The following RASA1 variants were observed in gnomAD, a reference collection of about 807,000 sequenced individuals.
RASA1 encodes the protein RAS p21 protein activator 1, also known as ras GTPase-activating protein 1.
RASA1 carries 25 observed loss-of-function variants against 132.2 expected under a neutral mutation model. The ratio of observed to expected loss-of-function variants is 0.19; its 90% CI spans 0.14 to 0.26. The LOEUF is 0.26. Among genes scored for constraint, RASA1 ranks in the 10% least tolerant of loss-of-function variants. The probability of loss-of-function intolerance (pLI) is 1.00; values close to 1 mark genes in which losing one functional copy is unlikely to be tolerated. For synonymous variants in RASA1, 477 were observed against 449.9 expected (o/e 1.06, Z -0.76); for missense variants, 964 against 1,299.2 (o/e 0.74, Z 3.97).
intron 1 of RASA1, among the ~76,000 whole-genome samples, chr5:87,305,918 G>C (rs1358922180): frequency 6.6e-6 from 1 of 152,180 alleles, no homozygotes; most frequent in South Asian, 2.1e-4. Flanking sequence ...GTAAATCAAA[G>C]CCACAATGAC....
rs189855108 is a variant in RASA1, at chr5:87,377,392, G to A, written c.2344+352G>A. Among the ~76,000 whole-genome samples, 806 of 152,232 alleles carry A rather than the reference G, an allele frequency of 5.3e-3. 5 individuals are homozygous for A. The highest frequency in any genetic ancestry group is 8.5e-3 in the Non-Finnish European group (577 of 68,006). ...GTCGCCCAGGCTGCAGTGCAGTGGC[G>A]CAGTCTCGGCTCACTGCAACCTCTA... On this transcript the variant is annotated intron_variant, in intron 17 of 24. Coordinates refer to ENST00000274376, the MANE Select transcript of RASA1 (RefSeq NM_002890.3).
rs11956368 is a variant in RASA1, at chr5:87,350,262, C to T, written c.1253+898C>T. Among the ~76,000 whole-genome samples the T allele has an allele frequency of 7.5e-3, 1,139 of 151,904 alleles. 18 individuals are homozygous for T. The highest frequency in any genetic ancestry group is 0.027 in the African/African-American group (1,101 of 41,516). ...AGATGTGAGTCTAGGCAGCTGTACC[C>T]TTTTGCCTACCTCATATACAGGTTG... On this transcript the variant is annotated intron_variant, in intron 8 of 24. Transcript: ENST00000274376.
rs372498033 is a variant in RASA1 at position 87,380,513 on chromosome 5, T to C, written c.2608T>C (p.Leu870=). 1.9e-5 allele frequency: 31 copies of C among 1,611,844 alleles called. No homozygotes were observed. In the African/African-American group the frequency reaches 2.3e-4, roughly 12 times the overall value. The change falls in exon 20 of 25, where the codon TTG becomes CTG. Residue 870 remains leucine (L), a synonymous_variant. Transcript: ENST00000274376. ...ATGATTGTGTTATTTTGGCAGGACA[T>C]TGAGATATATTTATGGGTGTTTACA... ...FMASEILPPT[L]RYIYGCLQKS...
intron 1 of RASA1, among the ~76,000 whole-genome samples, chr5:87,307,091 A>AGGATCCTCC (rs1755652273): frequency 6.6e-6 from 1 of 151,072 alleles, no homozygotes; most frequent in Non-Finnish European, 1.5e-5. Context: ...CTGGTATTGA[A>AGGATCCTCC]CTCCTGGCTT....
chr5:87,269,096 A>G (rs1753706488), intron 1 of RASA1, 106 bp downstream of exon 1: 1 of 1,613,794 alleles, frequency 6.2e-7, no homozygotes. Flanking sequence ...GTTTGTTAGG[A>G]AAAGTTTTTG....
At chr5:87,379,877 A>G (rs767732982) in intron 19 of RASA1, 27 bp downstream of exon 19, 39 of 1,603,290 alleles carry the variant, frequency 2.4e-5, no homozygotes, top group Non-Finnish European at 1.8e-5. Flanking sequence ...TCATTTGACA[A>G]GAAATTGTGT....
chr5:87,349,435 A>G (rs1388076956), intron 8 of RASA1, 71 bp downstream of exon 8: 1 of 1,529,960 alleles, frequency 6.5e-7, no homozygotes, highest in East Asian at 2.3e-5. Flanking sequence ...TACAGTATTC[A>G]GAGTCAAAAT....
chr5:87,338,753 T>C (rs1303281135), intron 5 of RASA1, among the ~76,000 whole-genome samples: 1 of 151,302 alleles, frequency 6.6e-6, no homozygotes, highest in Non-Finnish European at 1.5e-5. Context: ...TCATGAAACC[T>C]CAACTGGTTA....
Position 87,268,497 on chromosome 5 carries a change from GC to G in RASA1, c.48del (p.Gly17GlufsTer20). On this transcript the variant is annotated frameshift_variant, in exon 1 of 25. Transcript: ENST00000274376. LOFTEE classifies it high-confidence loss of function. The stretch of plus-strand genomic sequence containing the variant: ...CAGTGAGGAGGGCGGCCCGGTAACA[GC>G]CGGAGCTGGAGGAGGCGGCGCGGCA... Reference protein sequence around the residue: ...AGSEEGGPVTAGAGGGGAAAG... With the variant: ...AGSEEGGPVTXGAGGGGAAAG... 6.4e-7 allele frequency: 1 copy of G among 1,565,306 alleles called. No individual in the cohort carries two copies. The highest frequency in any genetic ancestry group is 8.7e-7 in the Non-Finnish European group (1 of 1,155,816).
intron 4 of RASA1, among the ~76,000 whole-genome samples, 170 bp from the exon 5 acceptor site, chr5:87,337,804 A>T (rs1298373265): frequency 2.0e-5 from 3 of 152,136 alleles, no homozygotes; most frequent in Non-Finnish European, 4.4e-5. Flanking sequence ...ATTTTCAGGA[A>T]TTGACATGTG....
chr5:87,286,030 T>C (rs1754545391), intron 1 of RASA1, among the ~76,000 whole-genome samples: 2 of 151,890 alleles, frequency 1.3e-5, no homozygotes, highest in African/African-American at 4.8e-5. Flanking sequence ...TGTGATGGAG[T>C]TTCGCTCTGT....
At chr5:87,338,536 A>ATATATATATATATATATATTTTTTTTTT in intron 5 of RASA1, among the ~76,000 whole-genome samples, 1 of 85,216 alleles carries the variant, frequency 1.2e-5, no homozygotes, top group African/African-American at 4.4e-5. Context: ...TATATATAAA[A>ATATATATATATATATATATTTTTTTTTT]TTTTTTTTTT....
chr5:87,301,644 G>A (rs969918223), intron 1 of RASA1, among the ~76,000 whole-genome samples: 6 of 152,000 alleles, frequency 3.9e-5, no homozygotes, highest in Non-Finnish European at 4.4e-5. Context: ...TTCAGATTTC[G>A]TATTTTTGGG....
chr5:87,318,943 G>T (rs140133316), intron 1 of RASA1: 1 of 152,382 alleles, frequency 6.6e-6, no homozygotes, highest in Non-Finnish European at 1.5e-5. Context: ...TACAATGAGA[G>T]TACAGGGAAT....
intron 9 of RASA1, among the ~76,000 whole-genome samples, chr5:87,355,886 G>A (rs1759612657): frequency 6.6e-6 from 1 of 152,178 alleles, no homozygotes; most frequent in Admixed American, 6.5e-5. Context: ...CTTTGAGGAG[G>A]AGGTAGCTGC....
chr5:87,296,767 T>C (rs1038041977), intron 1 of RASA1, among the ~76,000 whole-genome samples: 1 of 152,142 alleles, frequency 6.6e-6, no homozygotes, highest in African/African-American at 2.4e-5. Context: ...ATGCTTAGAT[T>C]TTTAAAAATT....
In RASA1 at chr5:87,268,671, G is replaced by A; in HGVS notation, c.220G>A (p.Ala74Thr). The A allele has an allele frequency of 1.2e-6, 2 of 1,611,306 alleles. No individual in the cohort carries two copies. The highest frequency in any genetic ancestry group is 1.7e-6 in the Non-Finnish European group (2 of 1,178,940). Residue 74 changes from alanine to threonine, a missense_variant, in exon 1 of 25, where the codon GCC becomes ACC. Coordinates refer to ENST00000274376, the MANE Select transcript of RASA1 (RefSeq NM_002890.3). ...GAALGSEFLGAGSVAGALGGA... is the reference protein window; with the variant it reads ...GAALGSEFLGTGSVAGALGGA... ...CGCTTTGGGGTCAGAGTTCCTAGGA[G>A]CCGGGTCTGTGGCAGGGGCACTGGG...
At chr5:87,318,072 G>C (rs1323429493) in intron 1 of RASA1, among the ~76,000 whole-genome samples, 1 of 152,052 alleles carries the variant, frequency 6.6e-6, no homozygotes, top group East Asian at 1.9e-4. Context: ...ACTACCATTA[G>C]GTTGAGATTC....
At chr5:87,271,891 C>T (rs1454811906) in intron 1 of RASA1, among the ~76,000 whole-genome samples, 3 of 151,832 alleles carry the variant, frequency 2.0e-5, no homozygotes, top group Admixed American at 1.3e-4. Context: ...TGGTGCTTCA[C>T]GCCTCTAATC....
Sources: allele counts gnomAD v4.1 joint callset (sites outside exome capture counted in the v4.1 genomes callset), GRCh38; gene constraint gnomAD v4.1.1; transcripts MANE v1.5; gene names NCBI Gene and HGNC (gene_info 2026-07-23, HGNC 2026-07-21).